The following GRIK2 variants were observed in gnomAD, a reference collection of about 807,000 sequenced individuals.
The protein encoded by GRIK2 is glutamate receptor ionotropic, kainate 2.
A neutral mutation model predicts 100.3 loss-of-function variants in GRIK2; 32 were observed. The observed-to-expected ratio is 0.32, with a 90% CI of 0.24 to 0.43. The LOEUF (loss-of-function observed/expected upper bound fraction) is 0.43, where lower values mean the gene tolerates loss of function less well. Among genes scored for constraint, GRIK2 ranks in the 20% least tolerant of loss-of-function variants. GRIK2 has a pLI of 1.00. For synonymous variants in GRIK2, 417 were observed against 389.4 expected, an observed-to-expected ratio of 1.07 and a Z score of -0.83; for missense variants, 843 against 1,114.9, an observed-to-expected ratio of 0.76 and a Z score of 3.47.
intron 14 of GRIK2, among the ~76,000 whole-genome samples, chr6:101,962,092 CA>C (rs1792339871): frequency 6.6e-6 from 1 of 152,128 alleles, no homozygotes; most frequent in African/African-American, 2.4e-5. Context: ...CAGTATGACA[CA>C]GGGGTGAGGG....
At chr6:101,440,984 T>G (rs1406925650) in intron 2 of GRIK2, among the ~76,000 whole-genome samples, 1 of 151,782 alleles carries the variant, frequency 6.6e-6, no homozygotes, top group East Asian at 1.9e-4. Context: ...TTTTTTTTTT[T>G]TTTTTTAAGA....
chr6:101,576,632 TA>T (rs1226725051), intron 2 of GRIK2, among the ~76,000 whole-genome samples: 1 of 152,058 alleles, frequency 6.6e-6, no homozygotes, highest in African/African-American at 2.4e-5. Context: ...AATGAATTTT[TA>T]TATTGGTTTT....
At chr6:101,773,689 A>G (rs1470817164) in intron 7 of GRIK2, among the ~76,000 whole-genome samples, 2 of 152,140 alleles carry the variant, frequency 1.3e-5, no homozygotes, top group African/African-American at 4.8e-5. Flanking sequence ...CATATTTAAA[A>G]AGCTTTATAA....
intron 15 of GRIK2, among the ~76,000 whole-genome samples, chr6:102,046,722 A>G (rs1770908686): frequency 6.6e-6 from 1 of 152,146 alleles, no homozygotes; most frequent in East Asian, 1.9e-4. Context: ...CCTAACAAAC[A>G]TATATAGAAC....
chr6:101,615,694 G>C (rs1004871004), intron 2 of GRIK2, among the ~76,000 whole-genome samples: 5 of 151,674 alleles, frequency 3.3e-5, no homozygotes, highest in African/African-American at 1.2e-4. Context: ...TTTTATAGAA[G>C]ATTCCCAGTA....
intron 2 of GRIK2, among the ~76,000 whole-genome samples, chr6:101,560,293 CATATG>C (rs1776940380): frequency 6.6e-6 from 1 of 151,980 alleles, no homozygotes; most frequent in Non-Finnish European, 1.5e-5. Flanking sequence ...AATTTTATAA[CATATG>C]ATAAGAATTG....
intron 7 of GRIK2, among the ~76,000 whole-genome samples, chr6:101,700,495 C>A (rs1441870289): frequency 6.6e-6 from 1 of 152,016 alleles, no homozygotes; most frequent in African/African-American, 2.4e-5. Flanking sequence ...AAAGTAATAT[C>A]ATTTACCATG....
At chr6:101,567,642 G>C (rs1777341209) in intron 2 of GRIK2, among the ~76,000 whole-genome samples, 1 of 151,928 alleles carries the variant, frequency 6.6e-6, no homozygotes, top group African/African-American at 2.4e-5. Flanking sequence ...TTTAGAAACA[G>C]AGTTGGTGTT....
At position 101,988,108 on chromosome 6, in the gene GRIK2, TGTGTGTGTGTGTGTGTGTGTGTGTGC is replaced by T. The variant is rs1347318278; in HGVS notation, c.2086-47231_2086-47206del. On this transcript the variant is annotated intron_variant, in intron 14 of 16. Transcript: ENST00000369134. ...GTATTATAGTGTGTGTGTGTGTGTG[TGTGTGTGTGTGTGTGTGTGTGTGTGC>T]GCGCGCGCGCGCGCGCGCGCGTGCG... is the stretch of plus-strand genomic sequence containing the variant. 1.8e-4 allele frequency among the ~76,000 whole-genome samples: 7 copies of T among 39,820 alleles called. No individual in the cohort carries two copies. The East Asian group carries it at 4.2e-3, about 24-fold the overall frequency. The allele number at this position is 39,820 out of a possible 152,430, so 26.1% of individuals were successfully genotyped here.
At chr6:101,811,238 C>T (rs1781308882) in intron 9 of GRIK2, among the ~76,000 whole-genome samples, 1 of 152,034 alleles carries the variant, frequency 6.6e-6, no homozygotes, top group South Asian at 2.1e-4. Context: ...AGTGTGGTTT[C>T]TCATTATCAT....
chr6:101,857,998 A>C (rs974175736), intron 10 of GRIK2, among the ~76,000 whole-genome samples: 1 of 152,152 alleles, frequency 6.6e-6, no homozygotes, highest in African/African-American at 2.4e-5. Context: ...CCTTGGCTTG[A>C]AATACTCTGT....
At chr6:101,915,525 T>C (rs1034893588) in intron 12 of GRIK2, among the ~76,000 whole-genome samples, 12 of 149,256 alleles carry the variant, frequency 8.0e-5, no homozygotes, top group Non-Finnish European at 1.3e-4. Flanking sequence ...TTTATTTTAT[T>C]TACTATGGAA....
intron 10 of GRIK2, among the ~76,000 whole-genome samples, chr6:101,851,776 TA>T (rs35853158): frequency 0.84 from 123,505 of 147,240 alleles, 52,476 homozygotes; most frequent in Middle Eastern, 0.93. Flanking sequence ...CCCAGTTAAC[TA>T]AAAAAAAAAA....
At chr6:101,819,539 C>T (rs1053153183) in intron 10 of GRIK2, among the ~76,000 whole-genome samples, 2 of 152,108 alleles carry the variant, frequency 1.3e-5, no homozygotes, top group South Asian at 4.1e-4. Context: ...GATACTCGCT[C>T]TCTCTGTCAC....
chr6:101,556,365 C>A (rs1392469341), intron 2 of GRIK2, among the ~76,000 whole-genome samples: 1 of 47,454 alleles, frequency 2.1e-5, no homozygotes, highest in Non-Finnish European at 4.9e-5. Flanking sequence ...GACCGAGTCT[C>A]GCTCTGTCGC....
intron 7 of GRIK2, among the ~76,000 whole-genome samples, chr6:101,743,770 G>A (rs959473603): frequency 3.0e-4 from 46 of 151,986 alleles, no homozygotes; most frequent in African/African-American, 1.1e-3. Context: ...GATACTTAAA[G>A]CAAGTGTTAG....
chr6:101,734,621 A>G (rs1242813486), intron 7 of GRIK2, among the ~76,000 whole-genome samples: 1 of 152,170 alleles, frequency 6.6e-6, no homozygotes, highest in Non-Finnish European at 1.5e-5. Context: ...TAACCATCAC[A>G]GGGAGCCTAG....
chr6:101,764,265 C>T (rs1777909392), intron 7 of GRIK2, among the ~76,000 whole-genome samples: 1 of 152,090 alleles, frequency 6.6e-6, no homozygotes, highest in South Asian at 2.1e-4. Context: ...TCCTTTGAGC[C>T]ATGAACTCAT....
At chr6:101,598,409 T>C (rs1470814329) in intron 2 of GRIK2, among the ~76,000 whole-genome samples, 1 of 151,622 alleles carries the variant, frequency 6.6e-6, no homozygotes, top group Non-Finnish European at 1.5e-5. Flanking sequence ...CTTCCTCTAC[T>C]TTATTAGCTT....
Sources: gnomAD v4.1 joint callset for allele counts (sites outside exome capture counted in the v4.1 genomes callset) on GRCh38, gnomAD v4.1.1 for gene constraint, MANE v1.5 for transcripts, NCBI Gene and HGNC (gene_info 2026-07-23, HGNC 2026-07-21) for gene names.